TAF1: variants seen among roughly 807,000 people sequenced by gnomAD.
TAF1 encodes transcription initiation factor TFIID subunit 1.
A neutral mutation model predicts 138.5 loss-of-function variants in TAF1; 2 were observed. The ratio of observed to expected loss-of-function variants is 0.01; its 90% CI spans 0.01 to 0.05. The LOEUF is 0.05. Ranked by LOEUF, TAF1 falls within the 10% of genes least tolerant of loss-of-function variation. TAF1 has a pLI of 1.00. For synonymous variants in TAF1, 437 were observed against 503.2 expected, an observed-to-expected ratio of 0.87 and a Z score of 1.76; for missense variants, 709 against 1,478.0, an observed-to-expected ratio of 0.48 and a Z score of 8.53.
At chrX:71,471,242 C>G (rs2038878540) in intron 13 of TAF1, among the ~76,000 whole-genome samples, 1 of 105,430 alleles carries the variant, frequency 9.5e-6, no homozygotes, top group Non-Finnish European at 1.9e-5. Context: ...CACTTGAACC[C>G]AGGAGGCAGG....
chrX:71,417,339 T>A (rs1245558087), intron 28 of TAF1, among the ~76,000 whole-genome samples: 1 of 110,156 alleles, frequency 9.1e-6, no homozygotes, highest in Non-Finnish European at 1.9e-5. Flanking sequence ...CTGTTCAGCC[T>A]CCATAATTAT....
At chrX:71,440,959 C>T (rs946916780) in intron 32 of TAF1, among the ~76,000 whole-genome samples, 2 of 109,974 alleles carry the variant, frequency 1.8e-5, no homozygotes, top group Non-Finnish European at 3.8e-5. Context: ...TCTTCTTCTT[C>T]TTGTTATCTT....
chrX:71,442,802 A>G (rs1276538931), intron 32 of TAF1, among the ~76,000 whole-genome samples: 1 of 112,037 alleles, frequency 8.9e-6, no homozygotes, highest in African/African-American at 3.2e-5. Flanking sequence ...TAGGTCTAAC[A>G]TTTAAGTCTT....
intron 13 of TAF1, among the ~76,000 whole-genome samples, chrX:71,505,777 T>C (rs1031528345): frequency 1.8e-5 from 2 of 111,405 alleles, no homozygotes; most frequent in African/African-American, 6.5e-5. Context: ...TCCCAGCACT[T>C]TGGGAGGCCG....
intron 22 of TAF1, among the ~76,000 whole-genome samples, chrX:71,396,762 G>A (rs2034874902): frequency 9.0e-6 from 1 of 110,986 alleles, no homozygotes; most frequent in Non-Finnish European, 1.9e-5. Flanking sequence ...GGCCAGGCGT[G>A]TGGCTTAGGC....
intron 32 of TAF1, among the ~76,000 whole-genome samples, chrX:71,433,092 AAAAG>A (rs760696622): frequency 1.2e-4 from 14 of 112,349 alleles, no homozygotes; most frequent in Non-Finnish European, 2.1e-4. Flanking sequence ...TTCTTGAAGT[AAAAG>A]AAAGAGAATG....
At chrX:71,405,051 G>C (rs1602562044) in intron 25 of TAF1, among the ~76,000 whole-genome samples, 1 of 103,427 alleles carries the variant, frequency 9.7e-6, no homozygotes, top group East Asian at 3.1e-4. Context: ...CCGCCTCCCA[G>C]GTTCAAGAGA....
intron 13 of TAF1, 27 bp downstream of exon 13, chrX:71,384,162 TC>T: frequency 8.3e-7 from 1 of 1,202,883 alleles, no homozygotes; most frequent in South Asian, 1.8e-5. Context: ...AAAATTTTTT[TC>T]CCATACATAA....
At chrX:71,517,499 AAAAAC>A (rs2039845478) in intron 13 of TAF1, among the ~76,000 whole-genome samples, 1 of 111,908 alleles carries the variant, frequency 8.9e-6, no homozygotes, top group South Asian at 3.7e-4. Context: ...TTAAAAATTA[AAAAAC>A]AAAACAAGAC....
intron 4 of TAF1, among the ~76,000 whole-genome samples, chrX:71,375,800 T>G (rs1479587755): frequency 8.9e-6 from 1 of 112,403 alleles, no homozygotes; most frequent in Non-Finnish European, 1.9e-5. Context: ...TCCGCTCGCC[T>G]TGGTCTTCCA....
chrX:71,380,945 T>C (rs5981108), intron 8 of TAF1, among the ~76,000 whole-genome samples: 8,296 of 111,555 alleles, frequency 0.074, 680 homozygotes, highest in African/African-American at 0.25. Context: ...CCTGCCTTGG[T>C]CTCCCAAAAT....
At chrX:71,459,291 C>T (rs758841725) in intron 35 of TAF1, 41 of 1,126,946 alleles carry the variant, frequency 3.6e-5, no homozygotes, top group Admixed American at 6.9e-5. Flanking sequence ...ACGTTATGCC[C>T]TTATATGATA....
chrX:71,431,167 A>G lies in TAF1; in HGVS notation c.4753+6929A>G, dbSNP rs182641845. 7.2e-3 allele frequency among the ~76,000 whole-genome samples: 783 copies of G among 108,497 alleles called. 11 individuals are homozygous for G. The highest frequency in any genetic ancestry group is 0.025 in the African/African-American group (746 of 29,750). 94.2% of individuals were successfully genotyped at this position (108,497 alleles called of 115,157 possible). A position where few individuals can be genotyped will look rare whatever the true frequency, so the allele number is the denominator to read the frequency against. On this transcript the variant is annotated intron_variant, in intron 32 of 37. Transcript: ENST00000423759. Reference sequence around the variant, plus strand: ...AACCTTCGCCGCCCAGGTTCAAGTGATTTGCCTGCCTCAGCCTCCCAAGTA... The same window carrying G: ...AACCTTCGCCGCCCAGGTTCAAGTGGTTTGCCTGCCTCAGCCTCCCAAGTA...
chrX:71,391,410 G>A (rs999511031), intron 18 of TAF1, among the ~76,000 whole-genome samples: 4 of 110,719 alleles, frequency 3.6e-5, no homozygotes, highest in South Asian at 7.6e-4. Flanking sequence ...GAGGCCAGGC[G>A]CAGTGGCTCA....
At chrX:71,479,963 G>A (rs1488625020) in intron 13 of TAF1, among the ~76,000 whole-genome samples, 1 of 111,859 alleles carries the variant, frequency 8.9e-6, no homozygotes, top group East Asian at 2.8e-4. Context: ...GGTGGCTCAT[G>A]CCTGTAATCC....
intron 13 of TAF1, among the ~76,000 whole-genome samples, chrX:71,490,757 C>G (rs1359229904): frequency 4.9e-5 from 5 of 101,665 alleles, no homozygotes; most frequent in Non-Finnish European, 9.9e-5. Flanking sequence ...GAGACAGAGT[C>G]TCACTCTTTC....
intron 20 of TAF1, 69 bp from the exon 21 acceptor site, chrX:71,393,224 TTGTGTGTG>T (rs201372159): frequency 4.3e-4 from 412 of 954,731 alleles, no homozygotes; most frequent in African/African-American, 2.0e-3. Context: ...CCTGAATGAT[TTGTGTGTG>T]TGTGTGTGTG....
chrX:71,431,721 C>A (rs1315608244), intron 32 of TAF1, among the ~76,000 whole-genome samples: 1 of 110,315 alleles, frequency 9.1e-6, no homozygotes, highest in Admixed American at 9.7e-5. Flanking sequence ...TCGAGACCAT[C>A]CTGGCCAACA....
At chrX:71,430,435 G>A in intron 32 of TAF1, among the ~76,000 whole-genome samples, 1 of 107,864 alleles carries the variant, frequency 9.3e-6, no homozygotes, top group Non-Finnish European at 1.9e-5. Flanking sequence ...ATACTGCTAA[G>A]CTATCAAAAT....
Sources: allele counts gnomAD v4.1 joint callset (sites outside exome capture counted in the v4.1 genomes callset), GRCh38; gene constraint gnomAD v4.1.1; transcripts MANE v1.5; gene names NCBI Gene and HGNC (gene_info 2026-07-23, HGNC 2026-07-21).